KIF3B: variants seen among roughly 807,000 people sequenced by gnomAD.
KIF3B encodes kinesin family member 3B, also known as kinesin-like protein KIF3B.
In KIF3B, 38 loss-of-function variants were observed where a neutral mutation model predicts 74.3. That is an observed-to-expected ratio of 0.51 (90% confidence interval 0.39 to 0.67). The LOEUF is 0.67. Among genes scored for constraint, KIF3B ranks in the 30% least tolerant of loss-of-function variants. The probability of loss-of-function intolerance (pLI) is 0.00; values close to 1 mark genes in which losing one functional copy is unlikely to be tolerated. For synonymous variants in KIF3B, 326 were observed against 342.5 expected (o/e 0.95, Z 0.53); for missense variants, 649 against 932.0 (o/e 0.70, Z 3.95).
chr20:32,278,992 C>G (rs2047629424), intron 1 of KIF3B, among the ~76,000 whole-genome samples: 1 of 143,002 alleles, frequency 7.0e-6, no homozygotes, highest in East Asian at 2.3e-4. Flanking sequence ...GGCGCGATCT[C>G]AGCTCACTGC....
intron 1 of KIF3B, among the ~76,000 whole-genome samples, chr20:32,298,535 A>G (rs180712409): frequency 1.2e-4 from 19 of 152,360 alleles, no homozygotes; most frequent in Admixed American, 1.3e-4. Context: ...GTTTTTTAAG[A>G]GAAAGGATAA....
At chr20:32,308,080 C>CA (rs1223782354) in intron 1 of KIF3B, among the ~76,000 whole-genome samples, 3 of 151,744 alleles carry the variant, frequency 2.0e-5, no homozygotes, top group African/African-American at 7.3e-5. Flanking sequence ...ACTAAAAATA[C>CA]AAAAAATTAG....
intron 1 of KIF3B, among the ~76,000 whole-genome samples, chr20:32,298,440 C>G (rs2047726646): frequency 6.6e-6 from 1 of 152,024 alleles, no homozygotes; most frequent in South Asian, 2.1e-4. Flanking sequence ...AAAAAACAAA[C>G]AAAACAAAAA....
chr20:32,330,364 C>T, intron 8 of KIF3B, 45 bp downstream of exon 8: 1 of 1,554,248 alleles, frequency 6.4e-7, no homozygotes, highest in South Asian at 1.2e-5. Flanking sequence ...CATGTTTGAA[C>T]AAGGACAAAC....
rs141610175 is a variant in KIF3B at position 32,288,759 on chromosome 20, C to T, written c.-66+10994C>T. 8.6e-3 allele frequency among the ~76,000 whole-genome samples: 1,304 copies of T among 152,064 alleles called. 9 individuals are homozygous for T. The highest frequency in any genetic ancestry group is 0.022 in the Admixed American group (334 of 15,260). On this transcript the variant is annotated intron_variant, in intron 1 of 8. Transcript: ENST00000375712. ...TGTCGCCTCAGCTCACTGCAACCTC[C>T]GCCTCCTGGGTTCAAGTGATGTGCA... is the stretch of plus-strand genomic sequence containing the variant.
In KIF3B at chr20:32,309,938, C is replaced by T. The variant is rs369589396; in HGVS notation, c.161C>T (p.Pro54Leu). ...KNPKGTAHEM[P>L]KTFTFDAVYD... ...CCCAAAGGGACGGCCCATGAAATGCCCAAGACCTTCACCTTTGATGCCGTC... is the reference window on the plus strand; with the variant it reads ...CCCAAAGGGACGGCCCATGAAATGCTCAAGACCTTCACCTTTGATGCCGTC... The change falls in exon 2 of 9, where the codon CCC becomes CTC. Residue 54 changes from proline to leucine, a missense_variant. By Grantham distance (98) the Pro-to-Leu change is moderately conservative. Transcript: ENST00000375712. The T allele has an allele frequency of 3.1e-6, 5 of 1,614,092 alleles. No homozygotes were observed. The highest frequency in any genetic ancestry group is 3.3e-5 in the Admixed American group (2 of 60,004).
At chr20:32,302,445 G>A (rs1322403472) in intron 1 of KIF3B, among the ~76,000 whole-genome samples, 3 of 152,142 alleles carry the variant, frequency 2.0e-5, no homozygotes, top group African/African-American at 7.2e-5. Flanking sequence ...CTATCATTTT[G>A]GAGAGCTCAA....
chr20:32,311,218 G>T, intron 2 of KIF3B, 37 bp downstream of exon 2: 1 of 1,522,208 alleles, frequency 6.6e-7, no homozygotes, highest in Non-Finnish European at 8.8e-7. Context: ...CCCTTGCCCT[G>T]TCACTGCTTT....
chr20:32,323,138 A>ATATATTTATATATTTATATTTATATATT (rs59041472), intron 5 of KIF3B, among the ~76,000 whole-genome samples: 2 of 93,502 alleles, frequency 2.1e-5, no homozygotes, highest in Non-Finnish European at 3.9e-5. Context: ...ATATATTTAC[A>ATATATTTATATATTTATATTTATATATT]TATATTTATA....
chr20:32,305,460 C>G (rs541806853), intron 1 of KIF3B, among the ~76,000 whole-genome samples: 1 of 152,196 alleles, frequency 6.6e-6, no homozygotes, highest in East Asian at 1.9e-4. Context: ...CTACCTACCC[C>G]CACCCAAAGG....
At chr20:32,293,682 A>G (rs2047703420) in intron 1 of KIF3B, among the ~76,000 whole-genome samples, 1 of 152,122 alleles carries the variant, frequency 6.6e-6, no homozygotes, top group Non-Finnish European at 1.5e-5. Context: ...AGATTTATAT[A>G]GGAAGAAGTA....
chr20:32,305,173 C>CA (rs1465577281), intron 1 of KIF3B, among the ~76,000 whole-genome samples: 3 of 151,396 alleles, frequency 2.0e-5, no homozygotes, highest in Non-Finnish European at 2.9e-5. Flanking sequence ...AAAAAAAACC[C>CA]AAAAAAACAT....
chr20:32,315,868 T>C, intron 2 of KIF3B, among the ~76,000 whole-genome samples: 1 of 152,104 alleles, frequency 6.6e-6, no homozygotes, highest in East Asian at 1.9e-4. Context: ...CGGAGCTTTG[T>C]GATTCACACT....
rs548132883 is a variant in KIF3B at position 32,307,966 on chromosome 20, G to A, written c.-65-1747G>A. On this transcript the variant is annotated intron_variant, in intron 1 of 8. Coordinates refer to ENST00000375712, the MANE Select transcript of KIF3B (RefSeq NM_004798.4). ...AATAAAAATAGTGACCAGCCTGGGT[G>A]GCTCACGCCTATAATCCTAGCACTT... Among the ~76,000 whole-genome samples the A allele has an allele frequency of 1.2e-4, 18 of 151,404 alleles. No individual in the cohort carries two copies. The South Asian group carries it at 3.6e-3, about 30-fold the overall frequency.
At chr20:32,308,690 C>T (rs1314239472) in intron 1 of KIF3B, among the ~76,000 whole-genome samples, 5 of 151,574 alleles carry the variant, frequency 3.3e-5, no homozygotes, top group South Asian at 2.1e-4. Context: ...GGATTACAGG[C>T]GTGAGCCACT....
Position 32,316,622 on chromosome 20 carries a change from G to A in KIF3B, c.1602G>A (p.Val534=), listed in dbSNP as rs1197823033. Residue 534 remains valine, a synonymous_variant, in exon 4 of 9, where the codon GTG becomes GTA. Transcript: ENST00000375712. The part of the protein sequence containing the change: ...KETYSSLQQE[V]DIKTKKLKKL... ...CATACAGCTCATTGCAGCAAGAGGT[G>A]GACATCAAGACCAAAAAACTCAAAA... The A allele has an allele frequency of 3.1e-6, 5 of 1,613,900 alleles. No individual in the cohort carries two copies. Among genetic ancestry groups the A allele is most frequent in the East Asian group, 2.2e-5 (1 of 44,890 alleles).
intron 2 of KIF3B, 148 bp from the exon 3 acceptor site, chr20:32,316,070 G>GGCACAGCTGA: frequency 1.7e-6 from 1 of 585,496 alleles, no homozygotes; most frequent in East Asian, 2.7e-5. Context: ...GTGATGGATG[G>GGCACAGCTGA]GCACAGCTGA....
At position 32,309,987 on chromosome 20, in the gene KIF3B, T is replaced by C. The variant is rs1239194992; in HGVS notation, c.210T>C (p.Phe70=). ...TCTATGACTGGAATGCCAAGCAGTT[T>C]GAACTGTACGATGAGACGTTCCGAC... The part of the protein sequence containing the change: ...DAVYDWNAKQ[F]ELYDETFRPL... Residue 70 remains phenylalanine (F), a synonymous_variant, in exon 2 of 9, where the codon TTT becomes TTC. Coordinates refer to ENST00000375712, the MANE Select transcript of KIF3B (RefSeq NM_004798.4). 2.5e-6 allele frequency: 4 copies of C among 1,614,050 alleles called. No individual in the cohort carries two copies. The highest frequency in any genetic ancestry group is 3.4e-6 in the Non-Finnish European group (4 of 1,180,026).
chr20:32,322,421 C>T (rs2122708012), intron 5 of KIF3B, among the ~76,000 whole-genome samples: 1 of 150,122 alleles, frequency 6.7e-6, no homozygotes. Flanking sequence ...CCAGCCCGGC[C>T]AACATGGTGA....
Sources: allele counts gnomAD v4.1 joint callset (sites outside exome capture counted in the v4.1 genomes callset), GRCh38; gene constraint gnomAD v4.1.1; transcripts MANE v1.5; gene names NCBI Gene and HGNC (gene_info 2026-07-23, HGNC 2026-07-21).